Variants in SEMA3D observed in about 807,000 individuals in gnomAD.
The protein encoded by SEMA3D is semaphorin 3D.
In SEMA3D, 84 loss-of-function variants were observed where a neutral mutation model predicts 100.1. The observed-to-expected ratio is 0.84, with a 90% CI of 0.70 to 1.01. The LOEUF is 1.01. Among genes scored for constraint, SEMA3D ranks in the 50% least tolerant of loss-of-function variants. The pLI is 0.00. For synonymous variants in SEMA3D, 312 were observed against 320.7 expected, an observed-to-expected ratio of 0.97 and a Z score of 0.29; for missense variants, 875 against 934.1, an observed-to-expected ratio of 0.94 and a Z score of 0.82.
At chr7:85,069,117 G>C (rs1203331256) in intron 6 of SEMA3D, among the ~76,000 whole-genome samples, 1 of 152,112 alleles carries the variant, frequency 6.6e-6, no homozygotes, top group Non-Finnish European at 1.5e-5. Flanking sequence ...GCACTAGTTA[G>C]AGAAATCCTG....
chr7:85,154,054 GGGCA>G lies in SEMA3D; in HGVS notation c.-172-319_-172-316del, dbSNP rs774942178. Among the ~76,000 whole-genome samples the G allele has an allele frequency of 5.8e-4, 88 of 152,106 alleles. 1 individual carries two copies. The highest frequency in any genetic ancestry group is 1.2e-3 in the Admixed American group (18 of 15,262). ...ATCCAGAATATTTGCCCAAATGTCTGGGCACCCCATGGCCCAGTCAAGTGGACAC... is the reference window on the plus strand; with the variant it reads ...ATCCAGAATATTTGCCCAAATGTCTGCCCCATGGCCCAGTCAAGTGGACAC... On this transcript the variant is annotated intron_variant, in intron 1 of 18. Transcript: ENST00000284136.
intron 11 of SEMA3D, among the ~76,000 whole-genome samples, chr7:85,038,571 C>T (rs1255907284): frequency 1.3e-5 from 2 of 152,134 alleles, no homozygotes; most frequent in African/African-American, 4.8e-5. Flanking sequence ...TAACTTCACA[C>T]TCTGGGTGGG....
chr7:85,048,970 T>A (rs982256663), intron 9 of SEMA3D, among the ~76,000 whole-genome samples: 1 of 151,898 alleles, frequency 6.6e-6, no homozygotes, highest in Non-Finnish European at 1.5e-5. Flanking sequence ...CGTTTCTCTT[T>A]ACCAGAGGAA....
chr7:85,138,739 G>A (rs1288950947), intron 2 of SEMA3D, among the ~76,000 whole-genome samples: 2 of 150,484 alleles, frequency 1.3e-5, no homozygotes, highest in East Asian at 2.0e-4. Context: ...AGGTATACAC[G>A]TGCCATGGTG....
the SEMA3D span, among the ~76,000 whole-genome samples, chr7:85,248,454 C>A: frequency 6.6e-6 from 1 of 152,110 alleles, no homozygotes; most frequent in Non-Finnish European, 1.5e-5. Flanking sequence ...ACCATATGAT[C>A]CAGCAGTTGT....
At chr7:85,207,719 T>C in the SEMA3D span, among the ~76,000 whole-genome samples, 1 of 152,048 alleles carries the variant, frequency 6.6e-6, no homozygotes, top group Admixed American at 6.6e-5. Context: ...TAAACAAACA[T>C]ATAAATTAGA....
chr7:85,204,513 A>C, the SEMA3D span, among the ~76,000 whole-genome samples: 10 of 152,258 alleles, frequency 6.6e-5, no homozygotes, highest in East Asian at 1.7e-3. Flanking sequence ...TTAAGTACTA[A>C]GTAATAACAA....
rs1473294548 is a variant in SEMA3D, at chr7:85,097,831, C to G, written c.286G>C (p.Val96Leu). 1 of 1,604,388 alleles carries G rather than the reference C, an allele frequency of 6.2e-7. No individual in the cohort carries two copies. The highest frequency in any genetic ancestry group is 1.1e-5 in the South Asian group (1 of 90,142). Residue 96 changes from valine to leucine, a missense_variant, in exon 4 of 19, where the codon GTT becomes CTT. Val to Leu is a conservative substitution (Grantham distance 32). Transcript: ENST00000284136. ...AKDHIFLLSL[V>L]DLNKNFKKIY... ...TTCTTAAAATTTTTGTTTAAGTCAA[C>G]CAGACTGAGTAGAAAGATGTGGTCT...
At chr7:85,249,296 A>C in the SEMA3D span, among the ~76,000 whole-genome samples, 1 of 152,208 alleles carries the variant, frequency 6.6e-6, no homozygotes, top group Non-Finnish European at 1.5e-5. Flanking sequence ...CAATCAAGGT[A>C]ATCAAAAACA....
At chr7:85,174,491 G>A (rs1355595900) in intron 1 of SEMA3D, among the ~76,000 whole-genome samples, 1 of 152,140 alleles carries the variant, frequency 6.6e-6, no homozygotes, top group Non-Finnish European at 1.5e-5. Context: ...ATTAGATTCT[G>A]AATGGATTAA....
At chr7:85,221,552 T>C in the SEMA3D span, among the ~76,000 whole-genome samples, 1 of 152,072 alleles carries the variant, frequency 6.6e-6, no homozygotes, top group African/African-American at 2.4e-5. Flanking sequence ...GTGATAGCGT[T>C]TATTATGTTT....
At chr7:85,226,006 T>C in the SEMA3D span, among the ~76,000 whole-genome samples, 803 of 152,346 alleles carry the variant, frequency 5.3e-3, 11 homozygotes, top group African/African-American at 0.018. Flanking sequence ...ATTACACTTA[T>C]GACTTCTCTT....
chr7:85,164,164 T>C (rs1402245251), intron 1 of SEMA3D, among the ~76,000 whole-genome samples: 4 of 152,098 alleles, frequency 2.6e-5, no homozygotes, highest in Non-Finnish European at 5.9e-5. Flanking sequence ...TAAAGGTCTA[T>C]TTGAGCAAAA....
chr7:85,235,416 C>A, the SEMA3D span, among the ~76,000 whole-genome samples: 5 of 152,058 alleles, frequency 3.3e-5, no homozygotes, highest in Non-Finnish European at 5.9e-5. Context: ...ATCTAGAACA[C>A]TGATTAGTGG....
chr7:85,114,606 C>T (rs1433734896), intron 3 of SEMA3D, among the ~76,000 whole-genome samples: 1 of 152,110 alleles, frequency 6.6e-6, no homozygotes, highest in Non-Finnish European at 1.5e-5. Flanking sequence ...TTCTATCCTG[C>T]ATTCAGTCTC....
At chr7:85,235,700 T>C in the SEMA3D span, among the ~76,000 whole-genome samples, 6 of 152,190 alleles carry the variant, frequency 3.9e-5, no homozygotes, top group Admixed American at 3.9e-4. Context: ...TTTTTAAGCA[T>C]AAGTGAAGGA....
At chr7:85,000,139 A>G (rs1376614643) in intron 18 of SEMA3D, among the ~76,000 whole-genome samples, 4 of 152,146 alleles carry the variant, frequency 2.6e-5, no homozygotes, top group Admixed American at 2.0e-4. Context: ...TTTTCTCTCA[A>G]TATGCAGATA....
At chr7:85,152,443 T>A (rs917427496) in intron 2 of SEMA3D, among the ~76,000 whole-genome samples, 1 of 152,120 alleles carries the variant, frequency 6.6e-6, no homozygotes, top group East Asian at 1.9e-4. Context: ...TATGTCTGAT[T>A]TGTGGAAGAA....
intron 1 of SEMA3D, among the ~76,000 whole-genome samples, chr7:85,162,753 C>T (rs1340388168): frequency 6.6e-6 from 1 of 152,072 alleles, no homozygotes; most frequent in Non-Finnish European, 1.5e-5. Context: ...AAACTGAAAA[C>T]AAGCATATGC....
Sources: gnomAD v4.1 joint callset for allele counts (sites outside exome capture counted in the v4.1 genomes callset) on GRCh38, gnomAD v4.1.1 for gene constraint, MANE v1.5 for transcripts, NCBI Gene and HGNC (gene_info 2026-07-23, HGNC 2026-07-21) for gene names.